LARS2: variants seen among roughly 807,000 people sequenced by gnomAD.
LARS2 encodes the protein leucyl-tRNA synthetase 2, mitochondrial, also known as leucine--tRNA ligase, mitochondrial.
LARS2 carries 81 observed loss-of-function variants against 116.6 expected under a neutral mutation model. That is an observed-to-expected ratio of 0.69 (90% confidence interval 0.58 to 0.84). The LOEUF (loss-of-function observed/expected upper bound fraction) is 0.84, where lower values mean the gene tolerates loss of function less well. Ranked by LOEUF, LARS2 falls within the 40% of genes least tolerant of loss-of-function variation. The pLI, the probability that LARS2 is intolerant of heterozygous loss-of-function variation, is 0.00. For missense variants in LARS2, 968 were observed against 1,114.5 expected (o/e 0.87, Z 1.87); for synonymous variants, 396 against 407.2 (o/e 0.97, Z 0.33).
chr3:45,435,470 T>C (rs1698782896), intron 6 of LARS2, among the ~76,000 whole-genome samples: 1 of 152,260 alleles, frequency 6.6e-6, no homozygotes, highest in Non-Finnish European at 1.5e-5. Context: ...TTCTGTGGTA[T>C]TGGCTGAAGT....
At chr3:45,422,290 C>A (rs1698526550) in intron 6 of LARS2, 1 of 151,816 alleles carries the variant, frequency 6.6e-6, no homozygotes, top group South Asian at 2.1e-4. Context: ...CATGTGTTTT[C>A]CCATATAGAT....
At chr3:45,390,619 C>G (rs1697924272) in intron 1 of LARS2, among the ~76,000 whole-genome samples, 1 of 144,900 alleles carries the variant, frequency 6.9e-6, no homozygotes, top group Non-Finnish European at 1.5e-5. Flanking sequence ...GCCTTCTTTG[C>G]CCATTTTTAT....
chr3:45,513,510 C>T (rs548884899), intron 16 of LARS2, among the ~76,000 whole-genome samples: 72 of 152,342 alleles, frequency 4.7e-4, no homozygotes, highest in African/African-American at 1.7e-3. Flanking sequence ...ACAGAGTCAA[C>T]TCAGGCATGA....
chr3:45,434,000 G>A (rs772827283), intron 6 of LARS2, among the ~76,000 whole-genome samples: 2 of 151,896 alleles, frequency 1.3e-5, no homozygotes, highest in Non-Finnish European at 2.9e-5. Flanking sequence ...TTTCTCTCTG[G>A]CTGCTTTCAA....
intron 18 of LARS2, 84 bp downstream of exon 18, chr3:45,518,156 C>T: frequency 9.0e-7 from 1 of 1,108,470 alleles, no homozygotes; most frequent in Admixed American, 2.3e-5. Context: ...GCTGCCCTCC[C>T]TGCCTTGGGT....
chr3:45,426,766 G>A (rs1309769490), intron 6 of LARS2, among the ~76,000 whole-genome samples: 2 of 152,206 alleles, frequency 1.3e-5, no homozygotes, highest in African/African-American at 4.8e-5. Context: ...CTTAACTAAA[G>A]AGGGATGTCT....
chr3:45,546,830 A>G (rs1292405445), intron 21 of LARS2, among the ~76,000 whole-genome samples: 2 of 152,178 alleles, frequency 1.3e-5, no homozygotes, highest in Non-Finnish European at 2.9e-5. Context: ...CTCACACTAG[A>G]GCGCCCCCTT....
chr3:45,520,227 C>A lies in LARS2; in HGVS notation c.2223C>A (p.Thr741=). The change falls in exon 19 of 22, where the codon ACC becomes ACA. Residue 741 remains threonine (T), a synonymous_variant. Transcript: ENST00000645846. ...YKNSVISQVT[T]HFTEDFSLNS... is the part of the protein sequence containing the mutation. ...TGAACCTTTACTAATAGGTGACCAC[C>A]CATTTCACAGAGGACTTCTCACTGA... 1 of 1,609,938 alleles carries A rather than the reference C, an allele frequency of 6.2e-7. No homozygotes were observed. Among genetic ancestry groups the A allele is most frequent in the South Asian group, 1.1e-5 (1 of 90,974 alleles).
At chr3:45,482,065 C>T (rs767751136) in intron 10 of LARS2, among the ~76,000 whole-genome samples, 10 of 152,162 alleles carry the variant, frequency 6.6e-5, no homozygotes, top group Non-Finnish European at 1.0e-4. Context: ...TGCACATGGT[C>T]ATGTTACTTT....
chr3:45,492,025 C>G (rs1275020660), intron 13 of LARS2, among the ~76,000 whole-genome samples: 1 of 152,236 alleles, frequency 6.6e-6, no homozygotes, highest in Non-Finnish European at 1.5e-5. Context: ...CTGTTGGAAG[C>G]AGCAGTGTCA....
chr3:45,485,827 G>T (rs536148594), intron 11 of LARS2, 31 bp downstream of exon 11: 2 of 1,379,814 alleles, frequency 1.4e-6, no homozygotes, highest in Non-Finnish European at 2.0e-6. Flanking sequence ...AACCACAACG[G>T]TATATTTTGC....
chr3:45,412,953 G>A (rs1004560648), intron 4 of LARS2, among the ~76,000 whole-genome samples: 2 of 152,202 alleles, frequency 1.3e-5, no homozygotes, highest in Non-Finnish European at 2.9e-5. Flanking sequence ...ACTGCTCCTG[G>A]TCCAATCAGC....
chr3:45,439,313 C>T (rs968827669), intron 6 of LARS2, among the ~76,000 whole-genome samples: 3 of 147,718 alleles, frequency 2.0e-5, no homozygotes, highest in Non-Finnish European at 4.5e-5. Context: ...CCTCCGCCTC[C>T]TGGATTCAAG....
intron 6 of LARS2, among the ~76,000 whole-genome samples, chr3:45,433,110 T>G (rs537452587): frequency 6.6e-6 from 1 of 152,246 alleles, no homozygotes; most frequent in Non-Finnish European, 1.5e-5. Flanking sequence ...TTTTGCATAG[T>G]ATGTCTTTTG....
chr3:45,516,595 A>T (rs1320412708), intron 17 of LARS2, among the ~76,000 whole-genome samples: 1 of 152,002 alleles, frequency 6.6e-6, no homozygotes, highest in Non-Finnish European at 1.5e-5. Context: ...TCCAGTGCAC[A>T]CTCTACGAGG....
intron 8 of LARS2, among the ~76,000 whole-genome samples, chr3:45,459,252 A>G (rs1293281874): frequency 6.6e-6 from 1 of 152,214 alleles, no homozygotes; most frequent in Non-Finnish European, 1.5e-5. Context: ...TGTAGTTCTG[A>G]TGAGACCTCC....
intron 16 of LARS2, among the ~76,000 whole-genome samples, chr3:45,515,050 C>A (rs1700352060): frequency 6.6e-6 from 1 of 152,162 alleles, no homozygotes; most frequent in Non-Finnish European, 1.5e-5. Flanking sequence ...GTACATCGGT[C>A]CCCTGTTAGC....
At chr3:45,452,420 T>TTGAA (rs1699149212) in intron 7 of LARS2, among the ~76,000 whole-genome samples, 1 of 152,144 alleles carries the variant, frequency 6.6e-6, no homozygotes, top group Non-Finnish European at 1.5e-5. Context: ...TTGAATTTTA[T>TTGAA]TGAATGCTTT....
intron 2 of LARS2, 111 bp from the exon 3 acceptor site, chr3:45,394,322 A>G (rs1575225885): frequency 6.4e-6 from 4 of 623,332 alleles, no homozygotes; most frequent in South Asian, 6.3e-5. Context: ...AGAAATTATT[A>G]AAAGTAAGAG....
Sources: allele counts gnomAD v4.1 joint callset (sites outside exome capture counted in the v4.1 genomes callset), GRCh38; gene constraint gnomAD v4.1.1; transcripts MANE v1.5; gene names NCBI Gene and HGNC (gene_info 2026-07-23, HGNC 2026-07-21).